The following SEL1L3 variants were observed in gnomAD, a reference collection of about 807,000 sequenced individuals.
SEL1L3 encodes protein sel-1 homolog 3.
In SEL1L3, 76 loss-of-function variants were observed where a neutral mutation model predicts 142.8. The ratio of observed to expected loss-of-function variants is 0.53; its 90% CI spans 0.44 to 0.64. The LOEUF (loss-of-function observed/expected upper bound fraction) is 0.64, where lower values mean the gene tolerates loss of function less well. Ranked by LOEUF, SEL1L3 falls within the 30% of genes least tolerant of loss-of-function variation. SEL1L3 has a pLI of 0.00. For missense variants in SEL1L3, 1,262 were observed against 1,381.7 expected, an observed-to-expected ratio of 0.91 and a Z score of 1.37; for synonymous variants, 504 against 519.6, an observed-to-expected ratio of 0.97 and a Z score of 0.41.
At chr4:25,766,609 G>A (rs1718756215) in intron 19 of SEL1L3, among the ~76,000 whole-genome samples, 1 of 152,128 alleles carries the variant, frequency 6.6e-6, no homozygotes, top group African/African-American at 2.4e-5. Context: ...GATCAGCAGT[G>A]AGAAGGCTAC....
rs1403074705 is a variant in SEL1L3 at position 25,819,789 on chromosome 4, C to G, written c.1423+19G>C. The G allele has an allele frequency of 6.2e-7, 1 of 1,603,918 alleles. No individual in the cohort carries two copies. ...AATGCACAGAGCTTAAAACAGCTCC[C>G]CTGAAGCTCAACACTTACATGCTTC... On this transcript the variant is annotated intron_variant, in intron 8 of 23. Coordinates refer to ENST00000399878, the MANE Select transcript of SEL1L3 (RefSeq NM_015187.5).
Position 25,747,800 on chromosome 4 carries a change from C to T in SEL1L3, c.*625G>A, listed in dbSNP as rs750158973. 1 of 152,590 alleles carries T rather than the reference C, an allele frequency of 6.6e-6. No homozygotes were observed. Among genetic ancestry groups the T allele is most frequent in the Non-Finnish European group, 1.5e-5 (1 of 68,064 alleles). The allele number at this position is 152,590 out of a possible 1,614,324, so 9.5% of individuals were successfully genotyped here. ...AAATGTAAAAGATATCCGACAATGC[C>T]ATTAAATGATTCGGAAGCACTAGGA... is the stretch of plus-strand genomic sequence containing the variant. On this transcript the variant is annotated 3_prime_UTR_variant, in exon 24 of 24. Transcript: ENST00000399878.
intron 23 of SEL1L3, among the ~76,000 whole-genome samples, chr4:25,755,488 A>C (rs1182412921): frequency 6.6e-6 from 1 of 152,156 alleles, no homozygotes; most frequent in Non-Finnish European, 1.5e-5. Context: ...GCATAGAATT[A>C]AATAATTTTT....
At chr4:25,769,549 A>G (rs528145709) in intron 17 of SEL1L3, among the ~76,000 whole-genome samples, 6 of 152,348 alleles carry the variant, frequency 3.9e-5, no homozygotes, top group Admixed American at 1.3e-4. Flanking sequence ...ATGTTTGGCT[A>G]CAAGAATCCT....
At chr4:25,713,993 C>T in the SEL1L3 span, among the ~76,000 whole-genome samples, 1 of 151,954 alleles carries the variant, frequency 6.6e-6, no homozygotes, top group Non-Finnish European at 1.5e-5. Flanking sequence ...TTTATTTTTC[C>T]CACACGTGAA....
chr4:25,788,569 CGTGTGTGTGTGTGTGTGTGT>C lies in SEL1L3; in HGVS notation c.2077-225_2077-206del, dbSNP rs58435041. ...CCCTTAATGCAAGCCAGAAATGGTT[CGTGTGTGTGTGTGTGTGTGT>C]GTGTGTGTGTGTGTGTGTGTGTGTG... is the stretch of plus-strand genomic sequence containing the variant. On this transcript the variant is annotated intron_variant, in intron 12 of 23. Transcript: ENST00000399878. This position sits in a 1 kb window ranked among gnomAD's most constrained non-coding sequence, Gnocchi z 5.3. 1.1e-4 allele frequency among the ~76,000 whole-genome samples: 16 copies of C among 140,062 alleles called. No individual in the cohort carries two copies. The highest frequency in any genetic ancestry group is 5.0e-4 in the Admixed American group (7 of 14,134). The allele number at this position is 140,062 out of a possible 152,430, so 91.9% of individuals were successfully genotyped here.
intron 20 of SEL1L3, chr4:25,759,830 C>T (rs912020043): frequency 6.6e-5 from 10 of 152,214 alleles, no homozygotes; most frequent in Admixed American, 2.0e-4. Context: ...AAGAAACAAG[C>T]AATAAACGAT....
chr4:25,841,954 T>A lies in SEL1L3; in HGVS notation c.733+5340A>T, dbSNP rs1716192324. On this transcript the variant is annotated intron_variant, in intron 2 of 23. Transcript: ENST00000399878. ...CAGCCTGGGTGACAGAGCAAGACCCTGTCTCAAAAAAATTAGATAACCACG... is the reference window on the plus strand; with the variant it reads ...CAGCCTGGGTGACAGAGCAAGACCCAGTCTCAAAAAAATTAGATAACCACG... Among the ~76,000 whole-genome samples, 4 of 152,210 alleles carry A rather than the reference T, an allele frequency of 2.6e-5. No individual in the cohort carries two copies. The South Asian group carries it at 8.3e-4, about 32-fold the overall frequency.
chr4:25,802,034 G>C (rs182436522), intron 11 of SEL1L3, among the ~76,000 whole-genome samples: 43 of 152,294 alleles, frequency 2.8e-4, no homozygotes, highest in African/African-American at 9.4e-4. Flanking sequence ...CCAAGGCCAA[G>C]TTGACTCTTC....
intron 20 of SEL1L3, among the ~76,000 whole-genome samples, chr4:25,763,234 A>G (rs1718501620): frequency 6.6e-6 from 1 of 152,020 alleles, no homozygotes; most frequent in African/African-American, 2.4e-5. Context: ...AATATGACCT[A>G]AGGGAGTTTA....
At chr4:25,816,217 T>C (rs2109250298) in intron 9 of SEL1L3, among the ~76,000 whole-genome samples, 1 of 150,648 alleles carries the variant, frequency 6.6e-6, no homozygotes, top group South Asian at 2.1e-4. Flanking sequence ...TATATACCTA[T>C]ATATACATAT....
At chr4:25,797,107 AAG>A (rs1237724561) in intron 11 of SEL1L3, among the ~76,000 whole-genome samples, 2 of 151,160 alleles carry the variant, frequency 1.3e-5, no homozygotes, top group Non-Finnish European at 1.5e-5. Context: ...GGAAGTGGAA[AAG>A]AGAGAAAGAG....
chr4:25,751,243 C>G (rs1717568549), intron 23 of SEL1L3, among the ~76,000 whole-genome samples: 2 of 151,944 alleles, frequency 1.3e-5, no homozygotes, highest in Admixed American at 6.6e-5. Flanking sequence ...AAAGAGTGGA[C>G]AAGGAGAGTG....
In SEL1L3 at chr4:25,862,955, T is replaced by A; in HGVS notation, c.-119A>T. The A allele has an allele frequency of 3.3e-6, 2 of 600,722 alleles. No homozygotes were observed. Among genetic ancestry groups the A allele is most frequent in the Non-Finnish European group, 2.0e-6 (1 of 507,488 alleles). The allele number at this position is 600,722 out of a possible 1,614,324, so 37.2% of individuals were successfully genotyped here. On this transcript the variant is annotated 5_prime_UTR_variant, in exon 1 of 24. Coordinates refer to ENST00000399878, the MANE Select transcript of SEL1L3 (RefSeq NM_015187.5). ...GCCGGCCGCCGCGCGCGGGGCCACC[T>A]GCCGCCACCTCCGGACCCGCCGCCG...
At chr4:25,819,137 C>T (rs1244851662) in intron 8 of SEL1L3, among the ~76,000 whole-genome samples, 1 of 152,206 alleles carries the variant, frequency 6.6e-6, no homozygotes, top group African/African-American at 2.4e-5. Context: ...AGATCCACAG[C>T]ACAGAGAAAT....
At chr4:25,735,714 T>A in the SEL1L3 span, among the ~76,000 whole-genome samples, 1 of 152,084 alleles carries the variant, frequency 6.6e-6, no homozygotes, top group South Asian at 2.1e-4. Flanking sequence ...ATATTTTATT[T>A]TTTTTTCTTT....
the SEL1L3 span, chr4:25,719,827 G>T: frequency 6.6e-6 from 1 of 152,102 alleles, no homozygotes; most frequent in South Asian, 2.1e-4. Flanking sequence ...CGGCAGCTTC[G>T]CAGACAGCAA....
intron 10 of SEL1L3, 55 bp downstream of exon 10, chr4:25,804,486 G>T: frequency 7.5e-7 from 1 of 1,335,498 alleles, no homozygotes; most frequent in Non-Finnish European, 1.1e-6. Context: ...CGAGAGCATT[G>T]CTTTGCAAAT....
intron 2 of SEL1L3, among the ~76,000 whole-genome samples, chr4:25,845,514 G>C (rs1029120324): frequency 6.6e-6 from 1 of 152,112 alleles, no homozygotes; most frequent in Non-Finnish European, 1.5e-5. Context: ...AAAAAGTTTT[G>C]AAAAATATCA....
Sources: gnomAD v4.1 joint callset for allele counts (sites outside exome capture counted in the v4.1 genomes callset) on GRCh38, gnomAD v4.1.1 for gene constraint, Gnocchi (gnomAD v3.1) non-coding constraint, MANE v1.5 for transcripts, NCBI Gene and HGNC (gene_info 2026-07-23, HGNC 2026-07-21) for gene names.